CSMD1: variants seen among roughly 807,000 people sequenced by gnomAD.
CSMD1 encodes the protein CUB and Sushi multiple domains 1.
In CSMD1, 213 loss-of-function variants were observed where a neutral mutation model predicts 417.5. The observed-to-expected ratio is 0.51, with a 90% CI of 0.46 to 0.57. The LOEUF (loss-of-function observed/expected upper bound fraction) is 0.57. Among genes scored for constraint, CSMD1 ranks in the 20% least tolerant of loss-of-function variants. The probability of loss-of-function intolerance (pLI) is 0.00; values close to 1 mark genes in which losing one functional copy is unlikely to be tolerated. For missense variants in CSMD1, 6,923 were observed against 4,529.7 expected, an observed-to-expected ratio of 1.53 and a Z score of -15.17; for synonymous variants, 2,862 against 1,736.8, an observed-to-expected ratio of 1.65 and a Z score of -16.11.
chr8:4,819,427 A>G (rs957326119), intron 1 of CSMD1, among the ~76,000 whole-genome samples: 5 of 151,130 alleles, frequency 3.3e-5, no homozygotes, highest in Non-Finnish European at 5.9e-5. Flanking sequence ...AGAGCAAATA[A>G]AATTTCCCAA....
chr8:3,615,921 T>C (rs930923090), intron 8 of CSMD1, among the ~76,000 whole-genome samples: 10 of 152,194 alleles, frequency 6.6e-5, no homozygotes, highest in Non-Finnish European at 1.3e-4. Flanking sequence ...AAATCTAAAG[T>C]AATAGGACTA....
chr8:3,750,273 G>A (rs534820003), intron 6 of CSMD1, among the ~76,000 whole-genome samples: 1 of 151,196 alleles, frequency 6.6e-6, no homozygotes, highest in Admixed American at 6.6e-5. Context: ...TATATGCGAA[G>A]CATAAAAATG....
chr8:4,257,107 A>C (rs1297235810), intron 3 of CSMD1, among the ~76,000 whole-genome samples: 1 of 152,050 alleles, frequency 6.6e-6, no homozygotes, highest in African/African-American at 2.4e-5. Context: ...CACTCGCCAT[A>C]CTCTATATGA....
At chr8:3,862,942 G>A (rs550205151) in intron 5 of CSMD1, among the ~76,000 whole-genome samples, 2 of 152,224 alleles carry the variant, frequency 1.3e-5, no homozygotes, top group South Asian at 4.2e-4. Flanking sequence ...TTAAACAGCA[G>A]AAATTTATAG....
At chr8:4,983,848 C>G (rs1811029773) in intron 1 of CSMD1, among the ~76,000 whole-genome samples, 2 of 120,642 alleles carry the variant, frequency 1.7e-5, no homozygotes, top group African/African-American at 3.4e-5. Flanking sequence ...TATGATAGAA[C>G]TAGAAGTGGA....
At chr8:4,636,106 G>C (rs1162475089) in intron 2 of CSMD1, among the ~76,000 whole-genome samples, 1 of 151,944 alleles carries the variant, frequency 6.6e-6, no homozygotes, top group Admixed American at 6.6e-5. Context: ...TTTCTGTAGA[G>C]ATTTTTTTCT....
At chr8:4,112,702 C>G (rs796593063) in intron 3 of CSMD1, among the ~76,000 whole-genome samples, 13 of 152,136 alleles carry the variant, frequency 8.5e-5, no homozygotes, top group African/African-American at 3.1e-4. Flanking sequence ...TGAGGGTTTG[C>G]AAGTGATATG....
chr8:3,705,023 G>C (rs1801087374), intron 7 of CSMD1, among the ~76,000 whole-genome samples: 2 of 152,158 alleles, frequency 1.3e-5, no homozygotes, highest in African/African-American at 4.8e-5. Flanking sequence ...CCAAAACCTT[G>C]AACATTTTCT....
At chr8:4,531,610 C>A (rs187598118) in intron 2 of CSMD1, among the ~76,000 whole-genome samples, 2 of 152,068 alleles carry the variant, frequency 1.3e-5, no homozygotes, top group Admixed American at 6.6e-5. Flanking sequence ...GAGCTTTCTG[C>A]GCTCGTCAGG....
intron 2 of CSMD1, among the ~76,000 whole-genome samples, chr8:4,435,921 T>C (rs936184397): frequency 2.6e-5 from 4 of 152,128 alleles, no homozygotes; most frequent in African/African-American, 9.7e-5. Context: ...GGAAAATAAT[T>C]AGAATTTTAA....
chr8:4,789,278 C>T (rs1007847347), intron 1 of CSMD1, among the ~76,000 whole-genome samples: 6 of 152,128 alleles, frequency 3.9e-5, no homozygotes, highest in Non-Finnish European at 5.9e-5. Flanking sequence ...TTATAATCCC[C>T]GGTTTCTAAT....
chr8:4,727,457 A>G (rs1185175533), intron 1 of CSMD1, among the ~76,000 whole-genome samples: 2 of 152,200 alleles, frequency 1.3e-5, no homozygotes, highest in African/African-American at 4.8e-5. Context: ...GTTCTAAAAG[A>G]CTGGGGAAAA....
At chr8:2,993,910 T>G (rs1806632593) in intron 54 of CSMD1, among the ~76,000 whole-genome samples, 2 of 150,472 alleles carry the variant, frequency 1.3e-5, no homozygotes, top group South Asian at 4.2e-4. Context: ...CTCACTCCTG[T>G]AATCCCAGCA....
intron 1 of CSMD1, among the ~76,000 whole-genome samples, chr8:4,773,668 C>A (rs764608324): frequency 2.6e-5 from 4 of 152,096 alleles, no homozygotes; most frequent in Admixed American, 6.6e-5. Flanking sequence ...GTTTGTGCAG[C>A]CTTTATCGTC....
rs144698213 is a variant in CSMD1, at chr8:4,133,011, G to T, written c.416-100912C>A. Among the ~76,000 whole-genome samples, 591 of 152,222 alleles carry T rather than the reference G, an allele frequency of 3.9e-3. 5 individuals are homozygous for T. Among genetic ancestry groups the T allele is most frequent in the African/African-American group, 0.012 (508 of 41,528 alleles). ...TGCAGTGGCGCGATCTCGGCTCACT[G>T]CAACCTCCGACTCCCGGGTTAAAGC... On this transcript the variant is annotated intron_variant, in intron 3 of 69. Coordinates refer to ENST00000635120, the MANE Select transcript of CSMD1 (RefSeq NM_033225.6).
intron 49 of CSMD1, among the ~76,000 whole-genome samples, chr8:3,077,782 G>A (rs561991403): frequency 6.6e-6 from 1 of 152,228 alleles, no homozygotes; most frequent in African/African-American, 2.4e-5. Flanking sequence ...TTCACAGGTA[G>A]AGGCTGCCGC....
intron 18 of CSMD1, among the ~76,000 whole-genome samples, chr8:3,379,838 G>A (rs372498335): frequency 1.4e-4 from 22 of 152,314 alleles, no homozygotes; most frequent in African/African-American, 3.8e-4. Context: ...ATAGGCATGG[G>A]CAAGGACTTC....
chr8:3,758,878 A>G (rs1797827643), intron 5 of CSMD1, among the ~76,000 whole-genome samples: 1 of 152,172 alleles, frequency 6.6e-6, no homozygotes, highest in South Asian at 2.1e-4. Context: ...AATGAAAAAG[A>G]TCCTTAAAGT....
chr8:3,850,085 T>G (rs1197610632), intron 5 of CSMD1, among the ~76,000 whole-genome samples: 1 of 152,238 alleles, frequency 6.6e-6, no homozygotes, highest in Non-Finnish European at 1.5e-5. Context: ...CATGAGCCAC[T>G]GCACCCAGCA....
Sources: allele counts gnomAD v4.1 joint callset (sites outside exome capture counted in the v4.1 genomes callset), GRCh38; gene constraint gnomAD v4.1.1; transcripts MANE v1.5; gene names NCBI Gene and HGNC (gene_info 2026-07-23, HGNC 2026-07-21).